TSGA10: variants seen among roughly 807,000 people sequenced by gnomAD.
The protein encoded by TSGA10 is testis specific 10.
TSGA10 carries 43 observed loss-of-function variants against 96.6 expected under a neutral mutation model. The observed-to-expected ratio is 0.44, with a 90% CI of 0.35 to 0.57. TSGA10 has a LOEUF of 0.57. TSGA10 is among the 20% of genes least tolerant of loss of function. The pLI is 0.01. For missense variants in TSGA10, 703 were observed against 834.4 expected (o/e 0.84, Z 1.94); for synonymous variants, 229 against 269.9 (o/e 0.85, Z 1.48).
chr2:99,088,507 A>T lies in TSGA10; in HGVS notation c.612-7110T>A, dbSNP rs527359725. On this transcript the variant is annotated intron_variant, in intron 10 of 20. Transcript: ENST00000393483. ...TCGATAAGAGGGGACTACTATACAT[A>T]CAATAGGTATCTTAGCAAATTAGAA... Among the ~76,000 whole-genome samples the T allele has an allele frequency of 2.0e-5, 3 of 152,332 alleles. No homozygotes were observed. In the South Asian group the frequency reaches 6.2e-4, roughly 32 times the overall value.
chr2:99,146,598 T>C (rs1442506464), intron 1 of TSGA10, among the ~76,000 whole-genome samples: 1 of 152,202 alleles, frequency 6.6e-6, no homozygotes, highest in Non-Finnish European at 1.5e-5. Context: ...AGTTCTGCCA[T>C]TCACATTTAG....
chr2:99,140,294 GT>G (rs1291432479), intron 1 of TSGA10, among the ~76,000 whole-genome samples: 1 of 152,016 alleles, frequency 6.6e-6, no homozygotes, highest in African/African-American at 2.4e-5. Flanking sequence ...TAACTAACCT[GT>G]TTTTTTCTAC....
chr2:99,017,262 C>T lies in TSGA10; in HGVS notation c.2072+938G>A, dbSNP rs1270476448. Among the ~76,000 whole-genome samples the T allele has an allele frequency of 2.6e-5, 4 of 152,314 alleles. No individual in the cohort carries two copies. In the East Asian group the frequency reaches 5.8e-4, roughly 22 times the overall value. On this transcript the variant is annotated intron_variant, in intron 20 of 20. Transcript: ENST00000393483. ...AAAATATGGAACCAGCCTAAATGCC[C>T]ATTGACCAACAAGTGGATAAAGAAA...
Position 99,007,059 on chromosome 2 carries a change from G to A in TSGA10, c.2073-8838C>T, listed in dbSNP as rs137903025. Among the ~76,000 whole-genome samples, 223 of 151,716 alleles carry A rather than the reference G, an allele frequency of 1.5e-3. 1 individual carries two copies. The highest frequency in any genetic ancestry group is 5.1e-3 in the African/African-American group (210 of 41,330). On this transcript the variant is annotated intron_variant, in intron 20 of 20. Coordinates refer to ENST00000393483, the MANE Select transcript of TSGA10 (RefSeq NM_025244.4). ...TCACAATGACAGAAAACCAAACACC[G>A]CATGTTCTCACTCATAGGTGGGAAT...
chr2:99,099,022 A>T (rs755510153), intron 10 of TSGA10, among the ~76,000 whole-genome samples: 3 of 152,214 alleles, frequency 2.0e-5, no homozygotes, highest in Non-Finnish European at 4.4e-5. Flanking sequence ...TTAAAAAGCC[A>T]TAAGAGACAG....
At chr2:99,104,867 CTTA>C (rs905605020) in intron 9 of TSGA10, among the ~76,000 whole-genome samples, 4 of 152,112 alleles carry the variant, frequency 2.6e-5, no homozygotes, top group Admixed American at 1.3e-4. Context: ...GTTAAATTCT[CTTA>C]TGTTTATATA....
intron 10 of TSGA10, among the ~76,000 whole-genome samples, chr2:99,089,903 A>G (rs971024072): frequency 6.6e-6 from 1 of 152,120 alleles, no homozygotes; most frequent in African/African-American, 2.4e-5. Flanking sequence ...CTATACTACC[A>G]TAGCTGATGC....
intron 4 of TSGA10, among the ~76,000 whole-genome samples, chr2:99,113,027 T>C (rs2091949140): frequency 6.6e-6 from 1 of 151,484 alleles, no homozygotes; most frequent in Non-Finnish European, 1.5e-5. Flanking sequence ...AAATATAAAT[T>C]ATAGGAAGAA....
At chr2:99,144,011 T>C (rs1358392403) in intron 1 of TSGA10, among the ~76,000 whole-genome samples, 1 of 127,270 alleles carries the variant, frequency 7.9e-6, no homozygotes, top group Non-Finnish European at 1.8e-5. Context: ...TCACTGATGC[T>C]GTGTTCCTTT....
At chr2:99,150,921 C>G in intron 1 of TSGA10, 1 of 823,748 alleles carries the variant, frequency 1.2e-6, no homozygotes, top group Non-Finnish European at 1.9e-6. Flanking sequence ...ATTAGGAAAC[C>G]CTGACAAAAT....
chr2:99,064,953 T>C lies in TSGA10; in HGVS notation c.1390A>G (p.Arg464Gly), dbSNP rs779769661. Residue 464 changes from arginine to glycine, a missense_variant, in exon 16 of 21, where the codon AGA (arginine) becomes GGA (glycine). Physicochemically the swap from Arg to Gly is moderately radical, Grantham distance 125 (BLOSUM62 -2). Around this residue, in one of 3 missense-constraint regions of TSGA10, gnomAD observed 585 missense variants for 656.8 expected, o/e 0.89. Coordinates refer to ENST00000393483, the MANE Select transcript of TSGA10 (RefSeq NM_025244.4). ...RLKEKVDSLN[R>G]EVEQHLNAER... is the part of the protein sequence containing the mutation. The stretch of plus-strand genomic sequence containing the variant: ...TCCAAACTTACTTGCTCAACCTCTC[T>C]GTTGAGGGAATCTACTTTTTCTTTT... 2 of 1,597,508 alleles carry C rather than the reference T, an allele frequency of 1.3e-6. No homozygotes were observed. Among genetic ancestry groups the C allele is most frequent in the East Asian group, 4.5e-5 (2 of 44,574 alleles).
intron 20 of TSGA10, among the ~76,000 whole-genome samples, chr2:99,000,392 T>C (rs1573292441): frequency 6.6e-6 from 1 of 150,482 alleles, no homozygotes; most frequent in African/African-American, 2.5e-5. Flanking sequence ...ACCTGTAATC[T>C]CACCTACTCA....
intron 20 of TSGA10, among the ~76,000 whole-genome samples, chr2:99,016,778 A>T (rs190176513): frequency 1.3e-5 from 2 of 152,360 alleles, no homozygotes; most frequent in African/African-American, 4.8e-5. Flanking sequence ...ATCTACAAGG[A>T]AGTCAAACAA....
chr2:99,126,538 A>T (rs1475103119), intron 2 of TSGA10: 1 of 152,368 alleles, frequency 6.6e-6, no homozygotes, highest in East Asian at 1.9e-4. Flanking sequence ...CAGGAGGAAT[A>T]AAAAAAAGTA....
chr2:99,114,369 CA>C (rs552177622), intron 4 of TSGA10, among the ~76,000 whole-genome samples: 48 of 152,254 alleles, frequency 3.2e-4, no homozygotes, highest in Non-Finnish European at 6.0e-4. Context: ...TTCTAATCCC[CA>C]TTCTACTTGG....
At chr2:99,137,531 T>C (rs750715583) in intron 1 of TSGA10, among the ~76,000 whole-genome samples, 1 of 152,084 alleles carries the variant, frequency 6.6e-6, no homozygotes, top group African/African-American at 2.4e-5. Flanking sequence ...TGGTGTATTT[T>C]TGAGCCAGGA....
chr2:99,153,192 C>T (rs1574788101), intron 1 of TSGA10, among the ~76,000 whole-genome samples: 1 of 152,264 alleles, frequency 6.6e-6, no homozygotes, highest in African/African-American at 2.4e-5. Context: ...TAGATGAATA[C>T]TGAAAAGTCC....
At chr2:99,041,048 T>C (rs548749738) in intron 16 of TSGA10, among the ~76,000 whole-genome samples, 1 of 152,364 alleles carries the variant, frequency 6.6e-6, no homozygotes, top group Admixed American at 6.5e-5. Flanking sequence ...TCCTTAAACC[T>C]TTCATAAGCA....
intron 1 of TSGA10, among the ~76,000 whole-genome samples, chr2:99,128,792 C>A (rs2092943967): frequency 6.6e-6 from 1 of 152,174 alleles, no homozygotes; most frequent in African/African-American, 2.4e-5. Context: ...AGGGTCTCAC[C>A]CTGTCACCCA....
Sources: gnomAD v4.1 joint callset for allele counts (sites outside exome capture counted in the v4.1 genomes callset) on GRCh38, gnomAD v4.1.1 for gene constraint, gnomAD v4.1.1 regional missense constraint, MANE v1.5 for transcripts, NCBI Gene and HGNC (gene_info 2026-07-23, HGNC 2026-07-21) for gene names.